Variants in GATA6 observed in about 807,000 individuals in gnomAD.
GATA6 encodes the protein transcription factor GATA-6.
In GATA6, 11 loss-of-function variants were observed where a neutral mutation model predicts 48.1. The observed-to-expected ratio is 0.23, with a 90% CI of 0.14 to 0.38. The LOEUF (loss-of-function observed/expected upper bound fraction) is 0.38. Among genes scored for constraint, GATA6 ranks in the 10% least tolerant of loss-of-function variants. The pLI, the probability that GATA6 is intolerant of heterozygous loss-of-function variation, is 1.00. For missense variants in GATA6, 795 were observed against 850.3 expected (o/e 0.93, Z 0.81); for synonymous variants, 419 against 396.1 (o/e 1.06, Z -0.69).
chr18:22,183,225 T>C (rs1424514518), intron 6 of GATA6, among the ~76,000 whole-genome samples, 182 bp downstream of exon 6: 1 of 152,252 alleles, frequency 6.6e-6, no homozygotes, highest in Admixed American at 6.5e-5. Flanking sequence ...CAAACTTAAG[T>C]ACTTTACAAA....
chr18:22,171,244 A>C lies in GATA6; in HGVS notation c.100A>C (p.Thr34Pro). The change falls in exon 2 of 7, where the codon ACG (threonine) becomes CCG (proline). Residue 34 changes from threonine (T) to proline (P), a missense_variant. Coordinates refer to ENST00000269216, the MANE Select transcript of GATA6 (RefSeq NM_005257.6). The surrounding 1 kb of genome is among the most constrained non-coding windows in gnomAD (Gnocchi z 7.1). ...AGCCTTTCCAGCGCGGGAGCCCTCC[A>C]CGCCGCCTTCCCCCATCTCTTCCTC... ...SRAFPAREPSTPPSPISSSSS... is the reference protein window; with the variant it reads ...SRAFPAREPSPPPSPISSSSS... 6.3e-7 allele frequency: 1 copy of C among 1,598,626 alleles called. No homozygotes were observed. The highest frequency in any genetic ancestry group is 8.5e-7 in the Non-Finnish European group (1 of 1,179,052).
intron 2 of GATA6, among the ~76,000 whole-genome samples, chr18:22,175,284 A>T (rs1191147259): frequency 6.6e-6 from 1 of 152,098 alleles, no homozygotes; most frequent in Admixed American, 6.5e-5. Flanking sequence ...GTGGACTTTT[A>T]ATTAAATTTT....
chr18:22,172,350 G>C lies in GATA6; in HGVS notation c.1135+71G>C. 2 of 1,502,308 alleles carry C rather than the reference G, an allele frequency of 1.3e-6. No individual in the cohort carries two copies. Among genetic ancestry groups the C allele is most frequent in the South Asian group, 1.2e-5 (1 of 81,392 alleles). 93.1% of individuals were successfully genotyped at this position (1,502,308 alleles called of 1,614,324 possible). ...GGCGCACGGGGGACGTGGAGCAGCT[G>C]CTCCACTCGGGCCCTGTTTTCAGGA... On this transcript the variant is annotated intron_variant, in intron 2 of 6. Coordinates refer to ENST00000269216, the MANE Select transcript of GATA6 (RefSeq NM_005257.6). This position sits in a 1 kb window ranked among gnomAD's most constrained non-coding sequence, Gnocchi z 5.2.
chr18:22,177,969 T>C (rs1271741040), intron 3 of GATA6, among the ~76,000 whole-genome samples: 2 of 138,716 alleles, frequency 1.4e-5, no homozygotes, highest in African/African-American at 2.8e-5. Context: ...TTTTTTTTTT[T>C]TTTTTTTTTG....
In GATA6 at chr18:22,202,435, A is replaced by T. The variant is rs1419298638; in HGVS notation, c.*1612A>T. On this transcript the variant is annotated 3_prime_UTR_variant, in exon 7 of 7. Coordinates refer to ENST00000269216, the MANE Select transcript of GATA6 (RefSeq NM_005257.6). ...CCCCAACAGAAGATAGGTAGAAATG[A>T]TTCCAGTGGCCTCTTTGTATTTTCT... 6.6e-6 allele frequency: 1 copy of T among 152,206 alleles called. No individual in the cohort carries two copies. Among genetic ancestry groups the T allele is most frequent in the African/African-American group, 2.4e-5 (1 of 41,442 alleles). 9.4% of individuals were successfully genotyped at this position (152,206 alleles called of 1,614,324 possible). A position where few individuals can be genotyped will look rare whatever the true frequency, so the allele number is the denominator to read the frequency against.
chr18:22,193,032 A>G (rs1278351155), intron 6 of GATA6, among the ~76,000 whole-genome samples: 1 of 152,216 alleles, frequency 6.6e-6, no homozygotes, highest in African/African-American at 2.4e-5. Flanking sequence ...TCAGGCCTAG[A>G]AGGGGCGAGA....
chr18:22,198,083 T>G (rs2033413952), intron 6 of GATA6, among the ~76,000 whole-genome samples: 1 of 151,864 alleles, frequency 6.6e-6, no homozygotes, highest in Non-Finnish European at 1.5e-5. Flanking sequence ...TCTTTTTTTT[T>G]TTTTAATTTT....
intron 4 of GATA6, among the ~76,000 whole-genome samples, chr18:22,182,359 T>C (rs1226160274): frequency 6.6e-5 from 10 of 151,918 alleles, no homozygotes; most frequent in African/African-American, 1.5e-4. Context: ...CTTTTTTTTT[T>C]TTTTTTTCTT....
intron 6 of GATA6, among the ~76,000 whole-genome samples, chr18:22,186,570 C>T (rs1162433655): frequency 3.4e-4 from 52 of 152,140 alleles, no homozygotes; most frequent in Admixed American, 3.4e-3. Context: ...CTTAGCATGA[C>T]ACAGAGTCCT....
chr18:22,184,929 A>G (rs992018382), intron 6 of GATA6, among the ~76,000 whole-genome samples: 5 of 152,212 alleles, frequency 3.3e-5, no homozygotes, highest in Admixed American at 6.5e-5. Flanking sequence ...GCCAGCTCCA[A>G]GTCACTTTTG....
At chr18:22,177,215 C>A in intron 3 of GATA6, 94 bp downstream of exon 3, 1 of 1,234,080 alleles carries the variant, frequency 8.1e-7, no homozygotes. Flanking sequence ...CTTGGGCGTC[C>A]CCCTCCCAGG....
rs184603793 is a variant in GATA6, at chr18:22,185,899, A to G, written c.1620+2856A>G. On this transcript the variant is annotated intron_variant, in intron 6 of 6. Transcript: ENST00000269216. The surrounding 1 kb of genome is among the most constrained non-coding windows in gnomAD (Gnocchi z 4.3). Reference sequence around the variant, plus strand: ...CTGTGAAGAGTCTGCTGGAGGAGCCATCTGTGAGCAGCTGGTAGAAGCATT... The same window carrying G: ...CTGTGAAGAGTCTGCTGGAGGAGCCGTCTGTGAGCAGCTGGTAGAAGCATT... Among the ~76,000 whole-genome samples, 9 of 152,284 alleles carry G rather than the reference A, an allele frequency of 5.9e-5. No individual in the cohort carries two copies. The highest frequency in any genetic ancestry group is 1.7e-4 in the African/African-American group (7 of 41,566).
chr18:22,177,191 C>A, intron 3 of GATA6, 70 bp downstream of exon 3: 1 of 1,419,816 alleles, frequency 7.0e-7, no homozygotes, highest in Non-Finnish European at 9.3e-7. Context: ...CGGCCCCGCC[C>A]TGGCTCGGCC....
intron 2 of GATA6, 99 bp from the exon 3 acceptor site, chr18:22,176,856 G>T: frequency 1.5e-6 from 2 of 1,374,354 alleles, no homozygotes; most frequent in South Asian, 2.9e-5. Context: ...GGGCAGGGAA[G>T]CCGGGCACCG....
chr18:22,173,356 G>A (rs1379080001), intron 2 of GATA6, among the ~76,000 whole-genome samples: 6 of 152,056 alleles, frequency 3.9e-5, no homozygotes, highest in Admixed American at 3.9e-4. Context: ...GGGGAGGTGT[G>A]GGGGAGGCCC....
intron 6 of GATA6, among the ~76,000 whole-genome samples, chr18:22,197,806 C>T (rs1568009403): frequency 6.6e-6 from 1 of 152,024 alleles, no homozygotes; most frequent in Non-Finnish European, 1.5e-5. Flanking sequence ...CCTTCTCATA[C>T]TCCTGTGTGG....
rs562588574 is a variant in GATA6 at position 22,172,111 on chromosome 18, TACCACCACC to T, written c.990_998del (p.His331_His333del). 9.5e-5 allele frequency: 139 copies of T among 1,463,694 alleles called. No homozygotes were observed. Among genetic ancestry groups the T allele is most frequent in the Admixed American group, 2.1e-4 (10 of 47,484 alleles). 90.7% of individuals were successfully genotyped at this position (1,463,694 alleles called of 1,614,324 possible). On this transcript the variant is annotated inframe_deletion, in exon 2 of 7. Transcript: ENST00000269216. The surrounding 1 kb of genome is among the most constrained non-coding windows in gnomAD (Gnocchi z 5.2). Reference sequence around the variant, plus strand: ...GGCCGCGCGGCCGCTGAACGGGACGTACCACCACCACCACCACCACCACCACCACCATCC... The same window carrying T: ...GGCCGCGCGGCCGCTGAACGGGACGTACCACCACCACCACCACCACCATCC...
rs2033072044 is a variant in GATA6 at position 22,172,700 on chromosome 18, T to C, written c.1135+421T>C. On this transcript the variant is annotated intron_variant, in intron 2 of 6. Transcript: ENST00000269216. This position sits in a 1 kb window ranked among gnomAD's most constrained non-coding sequence, Gnocchi z 5.2. The stretch of plus-strand genomic sequence containing the variant: ...CACGATGGGAGTAAGTTTGGGAGAG[T>C]GGCGGGCACTTGATCCACCCCCAAA... 5.3e-5 allele frequency among the ~76,000 whole-genome samples: 8 copies of C among 151,800 alleles called. No individual in the cohort carries two copies. In the South Asian group the frequency reaches 1.7e-3, roughly 32 times the overall value.
intron 6 of GATA6, among the ~76,000 whole-genome samples, chr18:22,191,036 TG>T (rs2033322295): frequency 1.1e-5 from 1 of 88,472 alleles, no homozygotes; most frequent in African/African-American, 1.9e-4. Flanking sequence ...AAATCTCGTG[TG>T]TGTGTGTGTG....
Sources: gnomAD v4.1 joint callset for allele counts (sites outside exome capture counted in the v4.1 genomes callset) on GRCh38, gnomAD v4.1.1 for gene constraint, Gnocchi (gnomAD v3.1) non-coding constraint, MANE v1.5 for transcripts, NCBI Gene and HGNC (gene_info 2026-07-23, HGNC 2026-07-21) for gene names.